LMF1: variants seen among roughly 807,000 people sequenced by gnomAD.
LMF1 encodes the protein lipase maturation factor 1.
Under a neutral mutation model 60.6 loss-of-function variants are expected in LMF1, and 68 were observed. The ratio of observed to expected loss-of-function variants is 1.12; its 90% CI spans 0.92 to 1.37. LMF1 has a LOEUF of 1.37. LMF1 is among the 40% of genes most tolerant of loss of function. The pLI, the probability that LMF1 is intolerant of heterozygous loss-of-function variation, is 0.00. For missense variants in LMF1, 948 were observed against 767.2 expected (o/e 1.24, Z -2.78); for synonymous variants, 418 against 324.7 (o/e 1.29, Z -3.09).
intron 1 of LMF1, among the ~76,000 whole-genome samples, chr16:957,394 A>G (rs188572806): frequency 1.0e-3 from 155 of 152,300 alleles, no homozygotes; most frequent in African/African-American, 3.6e-3. Flanking sequence ...AAACATATAA[A>G]CGGAATCTGC....
intron 10 of LMF1, among the ~76,000 whole-genome samples, chr16:861,506 C>G (rs1435700361): frequency 2.0e-5 from 3 of 151,918 alleles, no homozygotes; most frequent in East Asian, 3.9e-4. Flanking sequence ...TACAGGCATG[C>G]GTCACCACAC....
chr16:863,063 T>G (rs1046736065), intron 10 of LMF1, among the ~76,000 whole-genome samples: 1 of 152,204 alleles, frequency 6.6e-6, no homozygotes, highest in African/African-American at 2.4e-5. Flanking sequence ...GTAGTTTGTG[T>G]TTTTTGAGGA....
At chr16:929,611 C>T (rs573107717) in intron 3 of LMF1, among the ~76,000 whole-genome samples, 25 of 152,348 alleles carry the variant, frequency 1.6e-4, no homozygotes, top group African/African-American at 4.6e-4. Flanking sequence ...AAGGTGCACT[C>T]GCTGCAGGGC....
intron 3 of LMF1, among the ~76,000 whole-genome samples, chr16:913,271 G>A (rs1297450221): frequency 6.6e-6 from 1 of 152,238 alleles, no homozygotes; most frequent in Non-Finnish European, 1.5e-5. Flanking sequence ...CACACCCTGT[G>A]AGGAGCCTGA....
chr16:859,070 G>A (rs56077970), intron 10 of LMF1, among the ~76,000 whole-genome samples: 2 of 117,338 alleles, frequency 1.7e-5, no homozygotes, highest in Non-Finnish European at 3.4e-5. Context: ...GTGGTGTCAC[G>A]GGACGGGTGT....
At chr16:856,921 G>A (rs1388653812) in intron 10 of LMF1, among the ~76,000 whole-genome samples, 4 of 152,250 alleles carry the variant, frequency 2.6e-5, no homozygotes, top group Non-Finnish European at 5.9e-5. Context: ...CCACAGACAC[G>A]GGTCCCATCC....
At chr16:906,586 G>GGACTTGTGATCGTGGA (rs1255140474) in intron 4 of LMF1, among the ~76,000 whole-genome samples, 10 of 152,000 alleles carry the variant, frequency 6.6e-5, no homozygotes, top group Admixed American at 6.6e-5. Context: ...CCTATCGTGG[G>GGACTTGTGATCGTGGA]GACTTGTGAT....
chr16:928,681 C>T (rs1177269259), intron 3 of LMF1, among the ~76,000 whole-genome samples: 2 of 151,548 alleles, frequency 1.3e-5, no homozygotes, highest in Non-Finnish European at 3.0e-5. Context: ...CGAGCCCATC[C>T]CCACGCCCCC....
chr16:861,982 T>C (rs182229272), intron 10 of LMF1, among the ~76,000 whole-genome samples: 16 of 152,286 alleles, frequency 1.1e-4, no homozygotes, highest in Admixed American at 5.9e-4. Context: ...GTTTAAATCA[T>C]GAATAGATGT....
intron 10 of LMF1, among the ~76,000 whole-genome samples, chr16:864,807 T>TA (rs2069567695): frequency 6.6e-6 from 1 of 151,776 alleles, no homozygotes; most frequent in African/African-American, 2.4e-5. Context: ...GTATTTTTAG[T>TA]AAAGAGGGTT....
chr16:970,957 C>T lies in LMF1; in HGVS notation c.24G>A (p.Met8Ile), dbSNP rs2151498737. 6.5e-7 allele frequency: 1 copy of T among 1,535,288 alleles called. No homozygotes were observed. The highest frequency in any genetic ancestry group is 2.6e-5 in the East Asian group (1 of 39,098). Reference protein sequence around the residue: MRPDSPTMAAPAESLRRR... With the variant: MRPDSPTIAAPAESLRRR... Reference sequence around the variant, plus strand: ...TCCTCAGCGACTCCGCGGGCGCCGCCATTGTTGGGCTGTCAGGGCGCATGT... The same window carrying T: ...TCCTCAGCGACTCCGCGGGCGCCGCTATTGTTGGGCTGTCAGGGCGCATGT... The change falls in exon 1 of 11, where the codon ATG (methionine) becomes ATA (isoleucine). Residue 8 changes from methionine (M) to isoleucine (I), a missense_variant. By Grantham distance (10) the Met-to-Ile change is conservative. Transcript: ENST00000262301.
At chr16:895,086 G>A (rs1302507223) in intron 4 of LMF1, among the ~76,000 whole-genome samples, 2 of 152,186 alleles carry the variant, frequency 1.3e-5, no homozygotes, top group Admixed American at 1.3e-4. Flanking sequence ...CTGGAACGCA[G>A]GGTCCCATCT....
At chr16:892,911 A>G (rs2070532034) in intron 5 of LMF1, 96 bp downstream of exon 5, 1 of 913,202 alleles carries the variant, frequency 1.1e-6, no homozygotes, top group Non-Finnish European at 1.6e-6. Context: ...GTGATGCGAC[A>G]GCTCACCAGG....
At chr16:858,041 G>A (rs1331947071) in intron 10 of LMF1, among the ~76,000 whole-genome samples, 1 of 107,822 alleles carries the variant, frequency 9.3e-6, no homozygotes. Context: ...GTGGTGTCTC[G>A]GGATGGGTGT....
chr16:854,121 G>C lies in LMF1; in HGVS notation c.*411C>G, dbSNP rs759174654. On this transcript the variant is annotated 3_prime_UTR_variant, in exon 11 of 11. Coordinates refer to ENST00000262301, the MANE Select transcript of LMF1 (RefSeq NM_022773.4). ...GGCTGGGAACACACCATTGAAGAGGGAACAGAAACCAGGCCCTGGGACGCT... is the reference window on the plus strand; with the variant it reads ...GGCTGGGAACACACCATTGAAGAGGCAACAGAAACCAGGCCCTGGGACGCT... 2 of 464,056 alleles carry C rather than the reference G, an allele frequency of 4.3e-6. No homozygotes were observed. The highest frequency in any genetic ancestry group is 3.1e-5 in the South Asian group (2 of 64,542). 28.7% of individuals were successfully genotyped at this position (464,056 alleles called of 1,614,324 possible). A position where few individuals can be genotyped will look rare whatever the true frequency, so the allele number is the denominator to read the frequency against.
chr16:888,331 G>A (rs2070373350), intron 5 of LMF1, among the ~76,000 whole-genome samples: 1 of 152,348 alleles, frequency 6.6e-6, no homozygotes, highest in South Asian at 2.1e-4. Flanking sequence ...ATTTCCCGCA[G>A]CTTTCTAGCA....
At position 897,357 on chromosome 16, in the gene LMF1, C is replaced by T. The variant is rs1476015856; in HGVS notation, c.664-4285G>A. 6.6e-6 allele frequency among the ~76,000 whole-genome samples: 1 copy of T among 152,222 alleles called. No homozygotes were observed. Among genetic ancestry groups the T allele is most frequent in the African/African-American group, 2.4e-5 (1 of 41,454 alleles). On this transcript the variant is annotated intron_variant, in intron 4 of 10. Transcript: ENST00000262301. This position sits in a 1 kb window ranked among gnomAD's most constrained non-coding sequence, Gnocchi z 4.3. The stretch of plus-strand genomic sequence containing the variant: ...TGCACAGTGGCTCAGGACAGACCCC[C>T]AGCCCCTACAGTCCCCGAAAGCACC...
chr16:860,696 T>C (rs1252821405), intron 10 of LMF1, among the ~76,000 whole-genome samples: 1 of 152,168 alleles, frequency 6.6e-6, no homozygotes, highest in African/African-American at 2.4e-5. Context: ...TTTTGAGTTA[T>C]TTTTGTGTGG....
chr16:895,754 T>C (rs2070645477), intron 4 of LMF1, among the ~76,000 whole-genome samples: 1 of 152,140 alleles, frequency 6.6e-6, no homozygotes, highest in South Asian at 2.1e-4. Flanking sequence ...AGCCCGGCCC[T>C]ACAGGAACAC....
Sources: gnomAD v4.1 joint callset for allele counts (sites outside exome capture counted in the v4.1 genomes callset) on GRCh38, gnomAD v4.1.1 for gene constraint, Gnocchi (gnomAD v3.1) non-coding constraint, MANE v1.5 for transcripts, NCBI Gene and HGNC (gene_info 2026-07-23, HGNC 2026-07-21) for gene names.